ACVR1: variants seen among roughly 807,000 people sequenced by gnomAD.
The protein encoded by ACVR1 is activin receptor type-1.
ACVR1 carries 38 observed loss-of-function variants against 57.1 expected under a neutral mutation model. That is an observed-to-expected ratio of 0.67 (90% CI 0.51 to 0.87). ACVR1 has a LOEUF of 0.87. Ranked by LOEUF, ACVR1 falls within the 40% of genes least tolerant of loss-of-function variation. The pLI, the probability that ACVR1 is intolerant of heterozygous loss-of-function variation, is 0.00. For synonymous variants in ACVR1, 212 were observed against 228.1 expected, an observed-to-expected ratio of 0.93 and a Z score of 0.63; for missense variants, 463 against 638.2, an observed-to-expected ratio of 0.73 and a Z score of 2.96.
At chr2:157,781,371 A>G (rs1348688071) in intron 3 of ACVR1, among the ~76,000 whole-genome samples, 2 of 152,236 alleles carry the variant, frequency 1.3e-5, no homozygotes, top group Non-Finnish European at 2.9e-5. Context: ...CTGTAATATA[A>G]TAAGAGTTTG....
chr2:157,799,644 T>G, intron 2 of ACVR1, 144 bp from the exon 3 acceptor site: 1 of 669,042 alleles, frequency 1.5e-6, no homozygotes. Flanking sequence ...TTACTACATT[T>G]AAACACATAC....
rs566288760 is a variant in ACVR1 at position 157,747,301 on chromosome 2, C to A, written c.1265-8731G>T. ...AAGCAACTTGGCAATATGTGTCAAG[C>A]CATAAAAACATCCACATTCTTTGAC... On this transcript the variant is annotated intron_variant, in intron 9 of 10. Coordinates refer to ENST00000434821, the MANE Select transcript of ACVR1 (RefSeq NM_001111067.4). Among the ~76,000 whole-genome samples the A allele has an allele frequency of 3.3e-5, 5 of 152,182 alleles. No individual in the cohort carries two copies. In the South Asian group the frequency reaches 1.0e-3, roughly 32 times the overall value.
chr2:157,855,298 G>GTATA (rs1169941150), intron 1 of ACVR1, among the ~76,000 whole-genome samples: 24 of 70,110 alleles, frequency 3.4e-4, no homozygotes, highest in African/African-American at 1.3e-3. Context: ...GTGTGTGTGT[G>GTATA]TGTGTGTGTG....
intron 1 of ACVR1, among the ~76,000 whole-genome samples, chr2:157,865,801 A>AC (rs1689900940): frequency 6.9e-6 from 1 of 145,244 alleles, no homozygotes; most frequent in Admixed American, 7.0e-5. Flanking sequence ...ATCTCAAAAA[A>AC]AAAAAAAAGA....
At chr2:157,774,460 G>A (rs1686196561) in intron 5 of ACVR1, among the ~76,000 whole-genome samples, 1 of 152,166 alleles carries the variant, frequency 6.6e-6, no homozygotes, top group Non-Finnish European at 1.5e-5. Flanking sequence ...CACCTCCCGG[G>A]TTCAAGTGAT....
At chr2:157,772,237 A>C (rs1146032) in intron 6 of ACVR1, among the ~76,000 whole-genome samples, 2,674 of 152,238 alleles carry the variant, frequency 0.018, 66 homozygotes, top group African/African-American at 0.059. Context: ...AGAGCTGCCC[A>C]AAAGCCCTGG....
At chr2:157,810,067 C>A (rs924706121) in intron 2 of ACVR1, among the ~76,000 whole-genome samples, 10 of 152,086 alleles carry the variant, frequency 6.6e-5, no homozygotes, top group African/African-American at 2.2e-4. Context: ...CACAGTGAGA[C>A]CCTATCTCTA....
rs568204852 is a variant in ACVR1 at position 157,738,549 on chromosome 2, G to A, written c.1286C>T (p.Pro429Leu). The change falls in exon 10 of 11, where the codon CCA (proline) becomes CTA (leucine). Residue 429 changes from proline (P) to leucine (L), a missense_variant. By Grantham distance (98) the Pro-to-Leu change is moderately conservative. Transcript: ENST00000434821. ...VSNGIVEDYK[P>L]PFYDVVPNDP... ...ATTGGGAACCACATCGTAGAACGGTGGCTTGTAATCCTCCACTATACCTGC... is the reference window on the plus strand; with the variant it reads ...ATTGGGAACCACATCGTAGAACGGTAGCTTGTAATCCTCCACTATACCTGC... The A allele has an allele frequency of 1.2e-6, 2 of 1,614,066 alleles. No individual in the cohort carries two copies. The highest frequency in any genetic ancestry group is 1.3e-5 in the African/African-American group (1 of 75,042).
At chr2:157,739,331 T>G (rs995586582) in intron 9 of ACVR1, among the ~76,000 whole-genome samples, 9 of 152,308 alleles carry the variant, frequency 5.9e-5, no homozygotes, top group African/African-American at 2.2e-4. Flanking sequence ...AAAGCAAATA[T>G]GAACAGTAGC....
Position 157,772,435 on chromosome 2 carries a change from T to G in ACVR1, c.643+1653A>C, listed in dbSNP as rs115631746. Among the ~76,000 whole-genome samples, 1,007 of 152,350 alleles carry G rather than the reference T, an allele frequency of 6.6e-3. 8 individuals are homozygous for G. The highest frequency in any genetic ancestry group is 0.022 in the African/African-American group (916 of 41,582). ...CCACATGAACACACTAACTACAAGC[T>G]AATGAAAGGCACTGCTTTTATTAAA... On this transcript the variant is annotated intron_variant, in intron 6 of 10. Transcript: ENST00000434821.
chr2:157,820,051 T>C (rs1688110152), intron 1 of ACVR1, among the ~76,000 whole-genome samples: 1 of 152,172 alleles, frequency 6.6e-6, no homozygotes, highest in Non-Finnish European at 1.5e-5. Context: ...CCCATCCACC[T>C]TGGAATTCGA....
intron 2 of ACVR1, among the ~76,000 whole-genome samples, chr2:157,808,900 A>G (rs1244369684): frequency 6.6e-6 from 1 of 150,856 alleles, no homozygotes; most frequent in African/African-American, 2.4e-5. Flanking sequence ...AAAAAAACAG[A>G]AAGTAGTAAC....
At chr2:157,752,729 T>G (rs1459854896) in intron 9 of ACVR1, among the ~76,000 whole-genome samples, 1 of 152,172 alleles carries the variant, frequency 6.6e-6, no homozygotes, top group African/African-American at 2.4e-5. Context: ...TCGGTCTTTT[T>G]CAGATAAACA....
chr2:157,835,356 T>G (rs1192072547), intron 1 of ACVR1, among the ~76,000 whole-genome samples: 1 of 152,170 alleles, frequency 6.6e-6, no homozygotes, highest in Non-Finnish European at 1.5e-5. Flanking sequence ...CCTCACAGAA[T>G]TATCCTAAGA....
intron 9 of ACVR1, among the ~76,000 whole-genome samples, chr2:157,750,481 G>A (rs1685140716): frequency 6.6e-6 from 1 of 152,096 alleles, no homozygotes; most frequent in African/African-American, 2.4e-5. Flanking sequence ...AACCAAAAAG[G>A]ACTCACAGAC....
At chr2:157,737,709 T>C (rs2105215809) in intron 10 of ACVR1, 44 bp from the exon 11 acceptor site, 2 of 1,613,646 alleles carry the variant, frequency 1.2e-6, no homozygotes, top group African/African-American at 2.7e-5. Flanking sequence ...AACTGGCTTT[T>C]TAATGGCCCT....
chr2:157,780,252 T>C, intron 4 of ACVR1, 85 bp downstream of exon 4: 3 of 1,585,696 alleles, frequency 1.9e-6, no homozygotes, highest in Admixed American at 1.7e-5. Flanking sequence ...GAATGCCTCA[T>C]AGCTACTTAG....
At chr2:157,829,157 G>T (rs920490208) in intron 1 of ACVR1, among the ~76,000 whole-genome samples, 1 of 152,186 alleles carries the variant, frequency 6.6e-6, no homozygotes, top group African/African-American at 2.4e-5. Flanking sequence ...CAGAAGTACA[G>T]TAACAGTGGG....
chr2:157,836,479 C>T (rs563040551), intron 1 of ACVR1, among the ~76,000 whole-genome samples: 15 of 152,312 alleles, frequency 9.8e-5, no homozygotes, highest in Admixed American at 2.0e-4. Flanking sequence ...CACATTTTAT[C>T]CACCACCTTA....
Sources: allele counts gnomAD v4.1 joint callset (sites outside exome capture counted in the v4.1 genomes callset), GRCh38; gene constraint gnomAD v4.1.1; transcripts MANE v1.5; gene names NCBI Gene and HGNC (gene_info 2026-07-23, HGNC 2026-07-21).